ITGB3: variants seen among roughly 807,000 people sequenced by gnomAD.
The protein encoded by ITGB3 is integrin beta-3.
In ITGB3, 48 loss-of-function variants were observed where a neutral mutation model predicts 85.8. The observed-to-expected ratio is 0.56, with a 90% CI of 0.44 to 0.71. The LOEUF (loss-of-function observed/expected upper bound fraction) is 0.71. Among genes scored for constraint, ITGB3 ranks in the 30% least tolerant of loss-of-function variants. The pLI is 0.00. For missense variants in ITGB3, 861 were observed against 1,019.1 expected (o/e 0.84, Z 2.11); for synonymous variants, 363 against 395.6 (o/e 0.92, Z 0.98).
intron 4 of ITGB3, 41 bp downstream of exon 4, chr17:47,284,736 C>A: frequency 6.2e-7 from 1 of 1,613,464 alleles, no homozygotes. Flanking sequence ...ATCCTTTGCC[C>A]CAGGAAGGTC....
intron 1 of ITGB3, among the ~76,000 whole-genome samples, chr17:47,257,700 G>A (rs1237123339): frequency 2.6e-5 from 4 of 152,228 alleles, no homozygotes; most frequent in Admixed American, 1.3e-4. Flanking sequence ...CATTTGGGCC[G>A]CTGCACTGTT....
chr17:47,300,345 G>GTGTGTGTGTGTA (rs2065162006), intron 11 of ITGB3, 133 bp from the exon 12 acceptor site: 1 of 679,386 alleles, frequency 1.5e-6, no homozygotes, highest in East Asian at 2.9e-5. Context: ...GCGCGCGCGC[G>GTGTGTGTGTGTA]CGTGTGTGTG....
chr17:47,290,185 A>T lies in ITGB3; in HGVS notation c.1036A>T (p.Asn346Tyr). The T allele has an allele frequency of 6.2e-7, 1 of 1,613,132 alleles. No homozygotes were observed. The highest frequency in any genetic ancestry group is 8.5e-7 in the Non-Finnish European group (1 of 1,179,170). Residue 346 changes from asparagine (N) to tyrosine (Y), a missense_variant and splice_region_variant, in exon 8 of 15, where the codon AAC becomes TAC. By Grantham distance (143) the Asn-to-Tyr change is moderately radical (BLOSUM62 -2). Coordinates refer to ENST00000559488, the MANE Select transcript of ITGB3 (RefSeq NM_000212.3). ...TGGACATCTTTGTTTTCCTTTCTAG[A>T]ACTATAGTGAGCTCATCCCAGGGAC... Reference protein sequence around the residue: ...VTENVVNLYQNYSELIPGTTV... With the variant: ...VTENVVNLYQYYSELIPGTTV...
In ITGB3 at chr17:47,292,419, C is replaced by T. The variant is rs1241143401; in HGVS notation, c.1541C>T (p.Pro514Leu). Residue 514 changes from proline to leucine, a missense_variant, in exon 10 of 15, where the codon CCC becomes CTC. Coordinates refer to ENST00000559488, the MANE Select transcript of ITGB3 (RefSeq NM_000212.3). ...CCTTCCCAGCAGGACGAATGCAGCC[C>T]CCGGGAGGGTCAGCCCGTCTGCAGC... is the stretch of plus-strand genomic sequence containing the variant. ...YRPSQQDECS[P>L]REGQPVCSQR... The T allele has an allele frequency of 1.9e-6, 3 of 1,611,636 alleles. No homozygotes were observed. Among genetic ancestry groups the T allele is most frequent in the South Asian group, 1.1e-5 (1 of 91,042 alleles).
chr17:47,286,988 C>G, intron 5 of ITGB3, 82 bp from the exon 6 acceptor site: 2 of 1,461,954 alleles, frequency 1.4e-6, no homozygotes, highest in East Asian at 2.3e-5. Flanking sequence ...CCAGGGAGCA[C>G]CTTGGGTCTC....
chr17:47,254,247 C>T (rs1791652219), intron 1 of ITGB3, among the ~76,000 whole-genome samples: 1 of 152,038 alleles, frequency 6.6e-6, no homozygotes, highest in Non-Finnish European at 1.5e-5. Context: ...GAGCCCCGCG[C>T]TCACCCGGGG....
Position 47,289,750 on chromosome 17 carries a change from AC to A in ITGB3, c.1010del (p.Thr337MetfsTer4). The A allele has an allele frequency of 6.2e-7, 1 of 1,614,038 alleles. No individual in the cohort carries two copies. Among genetic ancestry groups the A allele is most frequent in the Non-Finnish European group, 8.5e-7 (1 of 1,179,866 alleles). ...QKNINLIFAVTENVVNLYQNY... is the reference protein window; with the variant it reads ...QKNINLIFAVXENVVNLYQNY... ...AAACATCAATTTGATCTTTGCAGTG[AC>A]TGAAAATGTAGTCAATCTCTATCAG... On this transcript the variant is annotated frameshift_variant, in exon 7 of 15. Transcript: ENST00000559488. LOFTEE classifies it high-confidence loss of function.
chr17:47,283,676 G>A (rs946429214), intron 3 of ITGB3, 127 bp downstream of exon 3: 2 of 886,462 alleles, frequency 2.3e-6, no homozygotes, highest in Non-Finnish European at 1.8e-6. Flanking sequence ...ACAAGGATGA[G>A]GGGGGAGGTG....
At position 47,274,435 on chromosome 17, in the gene ITGB3, C is replaced by T. The variant is rs61736877; in HGVS notation, c.96C>T (p.Thr32=). 4.5e-5 allele frequency: 73 copies of T among 1,613,214 alleles called. No individual in the cohort carries two copies. In the African/African-American group the frequency reaches 8.8e-4, roughly 19 times the overall value. ...CTGTTGCAGGGCCCAACATCTGTAC[C>T]ACGCGAGGTGTGAGCTCCTGCCAGC... The part of the protein sequence containing the change: ...GVGVGGPNIC[T]TRGVSSCQQC... Residue 32 remains threonine (T), a synonymous_variant, in exon 2 of 15, where the codon ACC becomes ACT. Transcript: ENST00000559488.
chr17:47,302,614 G>A, intron 12 of ITGB3, 107 bp from the exon 13 acceptor site: 1 of 1,371,672 alleles, frequency 7.3e-7, no homozygotes, highest in Non-Finnish European at 1.0e-6. Context: ...TGAGGCACAG[G>A]GTTTCCTGTC....
Position 47,300,467 on chromosome 17 carries a change from C to T in ITGB3, c.1914-11C>T, listed in dbSNP as rs199745019. 18 of 1,606,252 alleles carry T rather than the reference C, an allele frequency of 1.1e-5. No homozygotes were observed. The East Asian group carries it at 3.8e-4, about 34-fold the overall frequency. On this transcript the variant is annotated splice_polypyrimidine_tract_variant and intron_variant, in intron 11 of 14. Transcript: ENST00000559488. ...TTCTTTGCCTTAATCACTGTGTCCT[C>T]TCTCCTTCAGAGAATGTGTGGAGTG...
At chr17:47,266,746 T>G (rs1440020954) in intron 1 of ITGB3, among the ~76,000 whole-genome samples, 1 of 152,072 alleles carries the variant, frequency 6.6e-6, no homozygotes, top group Non-Finnish European at 1.5e-5. Flanking sequence ...CCCAGCTAAT[T>G]TTTAAAAAAA....
Position 47,312,221 on chromosome 17 carries a change from C to T in ITGB3, c.*2017C>T, listed in dbSNP as rs1295877536. ...AGTTATTATTTCTTTCTTCACTTTG[C>T]ACACATTTGCATCCACATATTAGGG... On this transcript the variant is annotated 3_prime_UTR_variant, in exon 15 of 15. Transcript: ENST00000559488. Among the ~76,000 whole-genome samples, 1 of 152,202 alleles carries T rather than the reference C, an allele frequency of 6.6e-6. No individual in the cohort carries two copies. The highest frequency in any genetic ancestry group is 1.5e-5 in the Non-Finnish European group (1 of 68,042).
intron 1 of ITGB3, among the ~76,000 whole-genome samples, chr17:47,258,373 C>T (rs1176978004): frequency 1.3e-5 from 2 of 151,838 alleles, no homozygotes; most frequent in Non-Finnish European, 2.9e-5. Flanking sequence ...GTGAGACTCT[C>T]CAGCAAAAAA....
chr17:47,293,206 T>A (rs2065133853), intron 10 of ITGB3, among the ~76,000 whole-genome samples: 1 of 152,126 alleles, frequency 6.6e-6, no homozygotes, highest in Non-Finnish European at 1.5e-5. Flanking sequence ...GCTGACAGAT[T>A]GGGGATTATA....
At chr17:47,271,661 C>G (rs984862857) in intron 1 of ITGB3, among the ~76,000 whole-genome samples, 6 of 152,194 alleles carry the variant, frequency 3.9e-5, no homozygotes, top group Admixed American at 3.9e-4. Flanking sequence ...ACAATATGAT[C>G]ATGATTAGAT....
chr17:47,284,353 T>C, intron 3 of ITGB3, 90 bp from the exon 4 acceptor site: 6 of 1,517,866 alleles, frequency 4.0e-6, no homozygotes, highest in Non-Finnish European at 5.5e-6. Flanking sequence ...GCTTTGATCA[T>C]GCAATTTCTT....
chr17:47,300,630 A>T, intron 12 of ITGB3, 52 bp downstream of exon 12: 1 of 1,362,814 alleles, frequency 7.3e-7, no homozygotes, highest in Non-Finnish European at 1.0e-6. Flanking sequence ...AAATGTTTCT[A>T]ATTCAATCCC....
chr17:47,284,369 C>T (rs1706354783), intron 3 of ITGB3, 74 bp from the exon 4 acceptor site: 1 of 1,590,188 alleles, frequency 6.3e-7, no homozygotes, highest in Admixed American at 1.7e-5. Flanking sequence ...TTCTTAGTCC[C>T]AACTGTATCC....
Sources: gnomAD v4.1 joint callset for allele counts (sites outside exome capture counted in the v4.1 genomes callset) on GRCh38, gnomAD v4.1.1 for gene constraint, MANE v1.5 for transcripts, NCBI Gene and HGNC (gene_info 2026-07-23, HGNC 2026-07-21) for gene names.